LOC128462377: variants seen among roughly 807,000 people sequenced by gnomAD.
chr16:89,385,836 T>TAGGCC, the LOC128462377 span, among the ~76,000 whole-genome samples: 2 of 152,218 alleles, frequency 1.3e-5, no homozygotes, highest in Non-Finnish European at 2.9e-5. Context: ...GGCCGGGGAT[T>TAGGCC]AGGCCAGACA....
chr16:89,354,071 G>A, the LOC128462377 span, among the ~76,000 whole-genome samples: 26 of 152,186 alleles, frequency 1.7e-4, no homozygotes, highest in East Asian at 3.1e-3. Context: ...GGAGCTGCCC[G>A]CCCAACAGTC....
At chr16:89,408,418 ATGGCAGG>A in the LOC128462377 span, among the ~76,000 whole-genome samples, 1 of 152,230 alleles carries the variant, frequency 6.6e-6, no homozygotes, top group African/African-American at 2.4e-5. Context: ...GAGGAAGAGG[ATGGCAGG>A]TACACAGGCC....
the LOC128462377 span, among the ~76,000 whole-genome samples, chr16:89,415,851 C>CAAAAAAAAAAAAAAA: frequency 1.3e-5 from 1 of 77,116 alleles, no homozygotes; most frequent in African/African-American, 5.3e-5. Context: ...AAAAAAAAAA[C>CAAAAAAAAAAAAAAA]AATGGAGAAC....
chr16:89,370,022 C>G, the LOC128462377 span, among the ~76,000 whole-genome samples: 1 of 152,174 alleles, frequency 6.6e-6, no homozygotes, highest in Non-Finnish European at 1.5e-5. Flanking sequence ...AAGAGCCAGG[C>G]CAAGACCATC....
the LOC128462377 span, chr16:89,324,809 G>A: frequency 3.5e-6 from 1 of 289,458 alleles, no homozygotes; most frequent in East Asian, 1.1e-4. Flanking sequence ...TTTGAGGTTT[G>A]GGGACTCGGA....
the LOC128462377 span, chr16:89,324,788 G>C: frequency 3.5e-6 from 1 of 289,298 alleles, no homozygotes; most frequent in Non-Finnish European, 6.8e-6. Context: ...TGCGCTGTTG[G>C]CTTCCCGACT....
chr16:89,317,224 G>A, the LOC128462377 span: 10 of 673,954 alleles, frequency 1.5e-5, no homozygotes, highest in Admixed American at 6.5e-5. Context: ...GCCCAGGAAG[G>A]GACTTCTCAG....
the LOC128462377 span, among the ~76,000 whole-genome samples, chr16:89,333,135 C>T: frequency 2.0e-5 from 3 of 152,228 alleles, no homozygotes; most frequent in African/African-American, 7.2e-5. Context: ...CAACAATGCT[C>T]TGGGAACTCC....
the LOC128462377 span, among the ~76,000 whole-genome samples, chr16:89,354,739 G>A: frequency 6.6e-6 from 1 of 152,106 alleles, no homozygotes; most frequent in African/African-American, 2.4e-5. Context: ...GAAATTAGCC[G>A]GGCATGGTGG....
chr16:89,318,519 C>T, the LOC128462377 span, among the ~76,000 whole-genome samples: 16 of 152,314 alleles, frequency 1.1e-4, no homozygotes, highest in South Asian at 2.1e-4. Context: ...TTACCCATCT[C>T]GCTCATGCAC....
the LOC128462377 span, among the ~76,000 whole-genome samples, chr16:89,326,242 G>C: frequency 5.1e-3 from 775 of 152,322 alleles, 6 homozygotes; most frequent in African/African-American, 0.018. Context: ...AGGCTTGCGA[G>C]GGTGGAAATA....
chr16:89,325,449 C>CCTCTCTCT, the LOC128462377 span, among the ~76,000 whole-genome samples: 13 of 139,624 alleles, frequency 9.3e-5, no homozygotes, highest in Admixed American at 5.1e-4. Flanking sequence ...TCTCCCCTCT[C>CCTCTCTCT]CTCTCTCTCT....
chr16:89,349,370 C>T, the LOC128462377 span, among the ~76,000 whole-genome samples: 1 of 151,748 alleles, frequency 6.6e-6, no homozygotes, highest in East Asian at 1.9e-4. Context: ...GTCCCAGCTA[C>T]TTGGAAGGCT....
the LOC128462377 span, among the ~76,000 whole-genome samples, chr16:89,344,791 C>A: frequency 6.6e-6 from 1 of 152,144 alleles, no homozygotes; most frequent in South Asian, 2.1e-4. Flanking sequence ...AGGCCAGAGG[C>A]GGCTGGAGCA....
the LOC128462377 span, among the ~76,000 whole-genome samples, chr16:89,330,855 T>G: frequency 8.5e-5 from 13 of 152,310 alleles, no homozygotes; most frequent in East Asian, 2.5e-3. Context: ...CTTCCCCCAG[T>G]GGCTTTTGAT....
At chr16:89,410,726 A>G in the LOC128462377 span, among the ~76,000 whole-genome samples, 5 of 152,380 alleles carry the variant, frequency 3.3e-5, 1 homozygote, top group Admixed American at 3.3e-4. Flanking sequence ...AAGCTATGAA[A>G]GCATCCTTGG....
At chr16:89,402,437 G>A in the LOC128462377 span, among the ~76,000 whole-genome samples, 1 of 152,104 alleles carries the variant, frequency 6.6e-6, no homozygotes, top group East Asian at 1.9e-4. Context: ...CCTAACACAT[G>A]AGGAAGCCGA....
At chr16:89,384,882 T>C in the LOC128462377 span, among the ~76,000 whole-genome samples, 1 of 23,258 alleles carries the variant, frequency 4.3e-5, no homozygotes, top group South Asian at 2.4e-3. Flanking sequence ...TAGTTTTCTT[T>C]TTTTTTTTTT....
the LOC128462377 span, among the ~76,000 whole-genome samples, chr16:89,409,829 A>AATTTATTTATTTATTTATTTATTTATTT: frequency 6.1e-3 from 921 of 151,486 alleles, 13 homozygotes; most frequent in African/African-American, 0.021. Flanking sequence ...TTTCAATCTA[A>AATTTATTTATTTATTTATTTATTTATTT]ATTTATTTAT....
Sources: gnomAD v4.1 joint callset for allele counts (sites outside exome capture counted in the v4.1 genomes callset) on GRCh38, gnomAD v4.1.1 for gene constraint, MANE v1.5 for transcripts.